NRXN3: variants seen among roughly 807,000 people sequenced by gnomAD.
NRXN3 encodes the protein neurexin 3.
Under a neutral mutation model 137.6 loss-of-function variants are expected in NRXN3, and 32 were observed. The observed-to-expected ratio is 0.23, with a 90% CI of 0.18 to 0.31. The LOEUF is 0.31. NRXN3 is among the 10% of genes least tolerant of loss of function. The pLI is 1.00. For missense variants in NRXN3, 1,574 were observed against 2,062.5 expected, an observed-to-expected ratio of 0.76 and a Z score of 4.59; for synonymous variants, 798 against 784.5, an observed-to-expected ratio of 1.02 and a Z score of -0.29.
chr14:78,369,367 T>C (rs1416842206), intron 4 of NRXN3, among the ~76,000 whole-genome samples: 2 of 152,140 alleles, frequency 1.3e-5, no homozygotes, highest in African/African-American at 4.8e-5. Flanking sequence ...TTGCATGTGG[T>C]CCTATTTCCT....
At chr14:78,773,396 G>A (rs982034779) in intron 8 of NRXN3, among the ~76,000 whole-genome samples, 4 of 152,056 alleles carry the variant, frequency 2.6e-5, no homozygotes, top group African/African-American at 4.8e-5. Flanking sequence ...AAAGCATGGA[G>A]TGTCAGCCAG....
intron 16 of NRXN3, among the ~76,000 whole-genome samples, chr14:79,585,161 A>G (rs1437041831): frequency 6.6e-6 from 1 of 152,196 alleles, no homozygotes; most frequent in Non-Finnish European, 1.5e-5. Context: ...GGAGCTGCCC[A>G]AAGATGTTGG....
chr14:78,596,629 G>C (rs905184435), intron 4 of NRXN3, among the ~76,000 whole-genome samples: 2 of 152,138 alleles, frequency 1.3e-5, no homozygotes, highest in African/African-American at 4.8e-5. Context: ...GTACATTACA[G>C]TCTTAAAGAG....
intron 15 of NRXN3, among the ~76,000 whole-genome samples, chr14:79,334,292 G>A (rs1488750234): frequency 6.6e-6 from 1 of 152,246 alleles, no homozygotes; most frequent in East Asian, 1.9e-4. Flanking sequence ...AGGGAATGGA[G>A]AGTGTGCTAG....
intron 15 of NRXN3, chr14:79,281,670 G>A (rs2081296988): frequency 6.6e-6 from 1 of 152,042 alleles, no homozygotes; most frequent in Admixed American, 6.5e-5. Flanking sequence ...AATGGTCAGG[G>A]AAAAGTAGCC....
chr14:79,093,878 A>G (rs543502059), intron 15 of NRXN3, among the ~76,000 whole-genome samples: 1 of 149,730 alleles, frequency 6.7e-6, no homozygotes, highest in African/African-American at 2.4e-5. Flanking sequence ...CTGACGAGTC[A>G]TATATCATTC....
At chr14:79,656,700 C>A (rs902256507) in intron 16 of NRXN3, among the ~76,000 whole-genome samples, 1 of 151,134 alleles carries the variant, frequency 6.6e-6, no homozygotes, top group African/African-American at 2.4e-5. Context: ...CCTCTGTTAG[C>A]ATTTCAGACT....
chr14:79,527,631 G>T (rs997352335), intron 16 of NRXN3, among the ~76,000 whole-genome samples: 1 of 151,958 alleles, frequency 6.6e-6, no homozygotes, highest in African/African-American at 2.4e-5. Context: ...CCAGCACTTT[G>T]GGGGGCCAAG....
intron 6 of NRXN3, chr14:78,703,691 A>G (rs1156919276): frequency 2.0e-5 from 3 of 152,186 alleles, no homozygotes; most frequent in Admixed American, 6.5e-5. Flanking sequence ...CTTCTCCACC[A>G]TTCCATTTCT....
intron 20 of NRXN3, among the ~76,000 whole-genome samples, chr14:79,844,044 C>T (rs7148719): frequency 0.76 from 115,699 of 151,986 alleles, 44,369 homozygotes; most frequent in East Asian, 0.91. Context: ...TAAATGGCCT[C>T]GCACTCCATC....
At chr14:78,371,003 C>T (rs182623881) in intron 4 of NRXN3, among the ~76,000 whole-genome samples, 1 of 152,232 alleles carries the variant, frequency 6.6e-6, no homozygotes, top group African/African-American at 2.4e-5. Flanking sequence ...ATCTGGGAAG[C>T]AATATTTACC....
chr14:78,489,481 C>T (rs545434834), intron 4 of NRXN3, among the ~76,000 whole-genome samples: 240 of 152,082 alleles, frequency 1.6e-3, no homozygotes, highest in African/African-American at 5.6e-3. Flanking sequence ...CAGCTAGGGA[C>T]GCACACACAG....
chr14:78,390,050 T>C (rs1472381089), intron 4 of NRXN3, among the ~76,000 whole-genome samples: 2 of 152,230 alleles, frequency 1.3e-5, no homozygotes, highest in Non-Finnish European at 2.9e-5. Context: ...CTATGTTCAG[T>C]TAATCTTTCA....
At chr14:78,864,817 G>C (rs752013634) in intron 10 of NRXN3, among the ~76,000 whole-genome samples, 1 of 152,080 alleles carries the variant, frequency 6.6e-6, no homozygotes, top group Non-Finnish European at 1.5e-5. Context: ...ATAAGCTGGG[G>C]GAAACTTAGC....
chr14:79,859,177 A>G (rs1418353476), intron 20 of NRXN3, among the ~76,000 whole-genome samples: 1 of 152,184 alleles, frequency 6.6e-6, no homozygotes, highest in African/African-American at 2.4e-5. Context: ...TAGTAAAATT[A>G]TCACATAGGC....
chr14:78,235,052 G>GTATATATATATATATATATATA (rs2066088196), intron 1 of NRXN3, among the ~76,000 whole-genome samples: 1 of 100,186 alleles, frequency 1.0e-5, no homozygotes, highest in Non-Finnish European at 2.4e-5. Flanking sequence ...GTGTGTGTGT[G>GTATATATATATATATATATATA]TGTGTCTTTT....
At chr14:79,202,812 T>A (rs2066242750) in intron 15 of NRXN3, among the ~76,000 whole-genome samples, 1 of 152,158 alleles carries the variant, frequency 6.6e-6, no homozygotes, top group Non-Finnish European at 1.5e-5. Flanking sequence ...CCACAATTTT[T>A]GCAATTGTGA....
chr14:78,287,141 A>C (rs1173820677), intron 3 of NRXN3, among the ~76,000 whole-genome samples: 1 of 152,360 alleles, frequency 6.6e-6, no homozygotes, highest in Admixed American at 6.5e-5. Flanking sequence ...AAATAAAGTC[A>C]TCTTGAAGAT....
At chr14:78,691,593 TC>T (rs931279086) in intron 6 of NRXN3, among the ~76,000 whole-genome samples, 19 of 152,330 alleles carry the variant, frequency 1.2e-4, no homozygotes, top group African/African-American at 4.1e-4. Context: ...TCAAATTTTT[TC>T]TTTTTTCTTT....
Sources: allele counts gnomAD v4.1 joint callset (sites outside exome capture counted in the v4.1 genomes callset), GRCh38; gene constraint gnomAD v4.1.1; transcripts MANE v1.5; gene names NCBI Gene and HGNC (gene_info 2026-07-23, HGNC 2026-07-21).